Variants in GRID2 observed in about 807,000 individuals in gnomAD.
GRID2 encodes glutamate receptor ionotropic, delta-2.
GRID2 carries 33 observed loss-of-function variants against 114.8 expected under a neutral mutation model. The observed-to-expected ratio is 0.29, with a 90% CI of 0.22 to 0.38. GRID2 has a LOEUF of 0.38. GRID2 is among the 10% of genes least tolerant of loss of function. The probability of loss-of-function intolerance (pLI) is 1.00; values close to 1 mark genes in which losing one functional copy is unlikely to be tolerated. For synonymous variants in GRID2, 505 were observed against 449.9 expected (o/e 1.12, Z -1.55); for missense variants, 1,184 against 1,257.7 (o/e 0.94, Z 0.89).
intron 1 of GRID2, among the ~76,000 whole-genome samples, chr4:92,542,015 CT>C (rs920564821): frequency 3.3e-5 from 5 of 151,792 alleles, no homozygotes; most frequent in African/African-American, 1.2e-4. Flanking sequence ...ACTCTTAATC[CT>C]TTTTTTGCAA....
chr4:92,978,749 A>AGGCTGTG (rs1754016178), intron 2 of GRID2, among the ~76,000 whole-genome samples: 1 of 152,136 alleles, frequency 6.6e-6, no homozygotes, highest in South Asian at 2.1e-4. Flanking sequence ...ATTATATCTA[A>AGGCTGTG]GGCTGTGTAC....
chr4:93,648,051 C>T (rs1456864798), intron 14 of GRID2, among the ~76,000 whole-genome samples: 1 of 152,050 alleles, frequency 6.6e-6, no homozygotes, highest in Non-Finnish European at 1.5e-5. Context: ...TGAATCCAGA[C>T]AAATCTGACT....
chr4:92,742,593 G>C (rs1424870471), intron 2 of GRID2, among the ~76,000 whole-genome samples: 1 of 152,184 alleles, frequency 6.6e-6, no homozygotes, highest in African/African-American at 2.4e-5. Context: ...ATCTCTGTCT[G>C]TGTACAGCAG....
intron 1 of GRID2, among the ~76,000 whole-genome samples, chr4:92,459,073 T>C (rs1721350857): frequency 6.6e-6 from 1 of 152,164 alleles, no homozygotes; most frequent in Non-Finnish European, 1.5e-5. Context: ...TTGAAACATT[T>C]TGTATTTAAA....
At chr4:92,438,944 G>A (rs1732870901) in intron 1 of GRID2, among the ~76,000 whole-genome samples, 2 of 152,094 alleles carry the variant, frequency 1.3e-5, no homozygotes, top group African/African-American at 4.8e-5. Context: ...CAACACTGGT[G>A]TCTTGCATTT....
intron 1 of GRID2, among the ~76,000 whole-genome samples, chr4:92,397,532 AAG>A (rs1197974950): frequency 6.6e-6 from 1 of 152,102 alleles, no homozygotes; most frequent in African/African-American, 2.4e-5. Flanking sequence ...AGAAAGAAAA[AAG>A]AAATTATTTA....
chr4:92,593,412 G>A (rs1728799516), intron 2 of GRID2, among the ~76,000 whole-genome samples: 1 of 151,966 alleles, frequency 6.6e-6, no homozygotes, highest in Non-Finnish European at 1.5e-5. Flanking sequence ...TAATAAGAGA[G>A]AGGAATTCAG....
intron 2 of GRID2, among the ~76,000 whole-genome samples, chr4:92,779,962 C>T (rs1208269044): frequency 6.6e-6 from 1 of 151,602 alleles, no homozygotes; most frequent in Non-Finnish European, 1.5e-5. Flanking sequence ...GTAACTACAG[C>T]ATGTGATACT....
At chr4:93,103,249 A>G (rs990901074) in intron 3 of GRID2, among the ~76,000 whole-genome samples, 1 of 152,050 alleles carries the variant, frequency 6.6e-6, no homozygotes, top group Non-Finnish European at 1.5e-5. Context: ...CTGAGACTGC[A>G]TCGTAGCCTC....
chr4:93,214,747 T>C (rs1301480328), intron 5 of GRID2, among the ~76,000 whole-genome samples: 1 of 152,052 alleles, frequency 6.6e-6, no homozygotes, highest in Non-Finnish European at 1.5e-5. Context: ...TTTTTGTGGG[T>C]TTGAAAAATG....
chr4:92,382,430 G>A (rs1729663717), intron 1 of GRID2, among the ~76,000 whole-genome samples: 1 of 151,926 alleles, frequency 6.6e-6, no homozygotes, highest in Admixed American at 6.6e-5. Flanking sequence ...CAGTAAGCCT[G>A]ATTAATGTCT....
intron 14 of GRID2, among the ~76,000 whole-genome samples, chr4:93,739,620 A>T (rs1731206376): frequency 6.6e-6 from 1 of 152,112 alleles, no homozygotes; most frequent in Non-Finnish European, 1.5e-5. Flanking sequence ...TCCTAATTTG[A>T]AGGAAAAGTT....
intron 1 of GRID2, among the ~76,000 whole-genome samples, chr4:92,431,360 A>G (rs1299694901): frequency 6.6e-6 from 1 of 152,166 alleles, no homozygotes; most frequent in Non-Finnish European, 1.5e-5. Flanking sequence ...TATTGAAATG[A>G]TCATATTGAT....
At chr4:92,620,845 T>G (rs1211594494) in intron 2 of GRID2, among the ~76,000 whole-genome samples, 2 of 151,236 alleles carry the variant, frequency 1.3e-5, no homozygotes, top group Non-Finnish European at 3.0e-5. Context: ...TAATGCTAAA[T>G]GATGAGTTAA....
intron 1 of GRID2, among the ~76,000 whole-genome samples, chr4:93,780,962 G>A (rs868496908): frequency 2.6e-5 from 4 of 152,200 alleles, no homozygotes; most frequent in East Asian, 1.9e-4. Context: ...GATACAGAGC[G>A]TAGATAGGTA....
chr4:92,866,053 A>G (rs72663597), intron 2 of GRID2, among the ~76,000 whole-genome samples: 1,695 of 152,304 alleles, frequency 0.011, 15 homozygotes, highest in Middle Eastern at 0.072. Flanking sequence ...GGCAAGATAG[A>G]TTTCTTTGGT....
At position 92,641,782 on chromosome 4, in the gene GRID2, C is replaced by T. The variant is rs376335702; in HGVS notation, c.244+51496C>T. Reference sequence around the variant, plus strand: ...AATAGGTAGCTTTACGATGCATGCCCCCTCCTTCTCCCTCCTCCAGTAGTC... The same window carrying T: ...AATAGGTAGCTTTACGATGCATGCCTCCTCCTTCTCCCTCCTCCAGTAGTC... On this transcript the variant is annotated intron_variant, in intron 2 of 15. Coordinates refer to ENST00000282020, the MANE Select transcript of GRID2 (RefSeq NM_001510.4). Among the ~76,000 whole-genome samples the T allele has an allele frequency of 6.6e-5, 10 of 151,468 alleles. No homozygotes were observed. The East Asian group carries it at 1.6e-3, about 24-fold the overall frequency.
intron 4 of GRID2, among the ~76,000 whole-genome samples, chr4:93,197,093 G>C (rs1741572639): frequency 6.6e-6 from 1 of 152,074 alleles, no homozygotes; most frequent in Admixed American, 6.6e-5. Context: ...CTATGGTTTA[G>C]TCTCTTTCTC....
intron 3 of GRID2, among the ~76,000 whole-genome samples, chr4:93,091,527 A>G (rs1730790201): frequency 6.6e-6 from 1 of 152,090 alleles, no homozygotes; most frequent in Admixed American, 6.6e-5. Flanking sequence ...TCCTTTCCCC[A>G]TAATTGTAGG....
Sources: gnomAD v4.1 joint callset for allele counts (sites outside exome capture counted in the v4.1 genomes callset) on GRCh38, gnomAD v4.1.1 for gene constraint, MANE v1.5 for transcripts, NCBI Gene and HGNC (gene_info 2026-07-23, HGNC 2026-07-21) for gene names.